The following CTNNA2 variants were observed in gnomAD, a reference collection of about 807,000 sequenced individuals.
CTNNA2 encodes catenin alpha-2.
CTNNA2 carries 42 observed loss-of-function variants against 101.0 expected under a neutral mutation model. The ratio of observed to expected loss-of-function variants is 0.42; its 90% CI spans 0.32 to 0.54. CTNNA2 has a LOEUF of 0.54. Ranked by LOEUF, CTNNA2 falls within the 20% of genes least tolerant of loss-of-function variation. The probability of loss-of-function intolerance (pLI) is 0.14; values close to 1 mark genes in which losing one functional copy is unlikely to be tolerated. For synonymous variants in CTNNA2, 450 were observed against 456.4 expected, an observed-to-expected ratio of 0.99 and a Z score of 0.18; for missense variants, 871 against 1,223.1, an observed-to-expected ratio of 0.71 and a Z score of 4.29.
intron 7 of CTNNA2, among the ~76,000 whole-genome samples, chr2:80,054,998 G>C (rs1266978676): frequency 1.3e-5 from 2 of 152,022 alleles, no homozygotes; most frequent in African/African-American, 2.4e-5. Flanking sequence ...TATAATTTAT[G>C]ACCCTGATTT....
chr2:80,563,400 T>C (rs569783167), intron 12 of CTNNA2, among the ~76,000 whole-genome samples: 1 of 152,344 alleles, frequency 6.6e-6, no homozygotes, highest in African/African-American at 2.4e-5. Context: ...GGTACATCCT[T>C]GGAGTATTCC....
At chr2:80,058,122 C>A (rs1697348131) in intron 7 of CTNNA2, among the ~76,000 whole-genome samples, 1 of 152,204 alleles carries the variant, frequency 6.6e-6, no homozygotes, top group African/African-American at 2.4e-5. Flanking sequence ...CATCTGCAAG[C>A]ATAACCTTGT....
At chr2:79,349,228 A>G (rs1478859175) in intron 3 of CTNNA2, among the ~76,000 whole-genome samples, 2 of 152,236 alleles carry the variant, frequency 1.3e-5, no homozygotes, top group African/African-American at 2.4e-5. Flanking sequence ...GATTGGGAAG[A>G]ACATTTTAAA....
At chr2:80,186,243 AT>A (rs1336756669) in intron 7 of CTNNA2, among the ~76,000 whole-genome samples, 1 of 152,124 alleles carries the variant, frequency 6.6e-6, no homozygotes, top group Non-Finnish European at 1.5e-5. Context: ...TGCCTTATTG[AT>A]TTTACTTTAT....
intron 4 of CTNNA2, among the ~76,000 whole-genome samples, chr2:79,439,551 A>T (rs1325236073): frequency 2.6e-5 from 4 of 152,182 alleles, no homozygotes. Flanking sequence ...TACGCTTTGA[A>T]TGGGTAGCTT....
At chr2:79,375,226 A>G (rs541668841) in intron 4 of CTNNA2, among the ~76,000 whole-genome samples, 1 of 152,276 alleles carries the variant, frequency 6.6e-6, no homozygotes, top group South Asian at 2.1e-4. Flanking sequence ...CTGGATTCAA[A>G]TTCTGATTCT....
intron 7 of CTNNA2, among the ~76,000 whole-genome samples, chr2:80,149,209 G>A (rs1703543428): frequency 6.6e-6 from 1 of 151,984 alleles, no homozygotes; most frequent in African/African-American, 2.4e-5. Flanking sequence ...ATTTTTAAAA[G>A]TGTTTTTTGT....
At chr2:80,170,070 A>G (rs1704947233) in intron 7 of CTNNA2, among the ~76,000 whole-genome samples, 1 of 152,204 alleles carries the variant, frequency 6.6e-6, no homozygotes, top group African/African-American at 2.4e-5. Flanking sequence ...AGGGCAATTC[A>G]TTTAAAAACA....
chr2:80,631,076 C>A (rs954218318), intron 18 of CTNNA2, among the ~76,000 whole-genome samples: 1 of 152,112 alleles, frequency 6.6e-6, no homozygotes, highest in Non-Finnish European at 1.5e-5. Flanking sequence ...AATGATGCAA[C>A]CTTTACATCT....
intron 3 of CTNNA2, among the ~76,000 whole-genome samples, chr2:79,805,498 C>T (rs1402881496): frequency 1.3e-5 from 2 of 152,144 alleles, no homozygotes; most frequent in Admixed American, 6.5e-5. Context: ...GATTTTGGAG[C>T]ATTTCAGATT....
intron 7 of CTNNA2, among the ~76,000 whole-genome samples, chr2:80,174,799 A>T (rs1167845929): frequency 6.6e-6 from 1 of 152,036 alleles, no homozygotes; most frequent in Non-Finnish European, 1.5e-5. Flanking sequence ...TTATCCCCTA[A>T]ATACCTCTTG....
intron 6 of CTNNA2, among the ~76,000 whole-genome samples, chr2:79,908,609 G>A (rs534371160): frequency 5.3e-5 from 8 of 152,212 alleles, no homozygotes; most frequent in African/African-American, 1.9e-4. Context: ...ATACCATCAC[G>A]CTCTACCCTC....
intron 7 of CTNNA2, among the ~76,000 whole-genome samples, chr2:80,106,020 G>C (rs1329749328): frequency 1.3e-5 from 2 of 152,172 alleles, no homozygotes; most frequent in East Asian, 3.9e-4. Flanking sequence ...TAACAAGGGG[G>C]TTTTATTACT....
chr2:80,313,665 G>A, intron 7 of CTNNA2: 1 of 1,592,766 alleles, frequency 6.3e-7, no homozygotes, highest in Non-Finnish European at 8.6e-7. Context: ...GTATGCAGGA[G>A]AAGGGGGTAA....
Position 79,700,491 on chromosome 2 carries a change from C to T in CTNNA2, c.103-43896C>T, listed in dbSNP as rs1684931746. ...TCTCCAGTCCCTTCTTCCCCAATAT[C>T]AGCCATGGGGACTTGACCCCCGCTG... On this transcript the variant is annotated intron_variant, in intron 2 of 18. Coordinates refer to ENST00000402739, the MANE Select transcript of CTNNA2 (RefSeq NM_001282597.3). 2.0e-5 allele frequency among the ~76,000 whole-genome samples: 3 copies of T among 152,208 alleles called. No individual in the cohort carries two copies. The South Asian group carries it at 6.2e-4, about 32-fold the overall frequency.
At chr2:79,502,988 G>A (rs1012341181) in intron 4 of CTNNA2, among the ~76,000 whole-genome samples, 6 of 152,108 alleles carry the variant, frequency 3.9e-5, no homozygotes, top group Non-Finnish European at 8.8e-5. Flanking sequence ...TTACCAAAGC[G>A]ATTTGACTAC....
intron 1 of CTNNA2, among the ~76,000 whole-genome samples, chr2:79,578,712 A>G (rs1021451963): frequency 6.6e-6 from 1 of 152,002 alleles, no homozygotes; most frequent in Non-Finnish European, 1.5e-5. Flanking sequence ...TGGACTCTCT[A>G]TTCTGTTTCC....
At chr2:79,217,494 G>C (rs980396975) in intron 2 of CTNNA2, among the ~76,000 whole-genome samples, 1 of 152,136 alleles carries the variant, frequency 6.6e-6, no homozygotes. Context: ...TTCTCTGGCG[G>C]GCAGGAGTGG....
intron 2 of CTNNA2, among the ~76,000 whole-genome samples, chr2:79,211,415 G>C (rs1402261130): frequency 6.6e-6 from 1 of 152,194 alleles, no homozygotes; most frequent in Admixed American, 6.5e-5. Flanking sequence ...TATTTCACCT[G>C]GGTGCAGGCG....
Sources: allele counts gnomAD v4.1 joint callset (sites outside exome capture counted in the v4.1 genomes callset), GRCh38; gene constraint gnomAD v4.1.1; transcripts MANE v1.5; gene names NCBI Gene and HGNC (gene_info 2026-07-23, HGNC 2026-07-21).